Variants in PALM2AKAP2 observed in about 807,000 individuals in gnomAD.
PALM2AKAP2 encodes PALM2-AKAP2 fusion protein.
A neutral mutation model predicts 71.5 loss-of-function variants in PALM2AKAP2; 37 were observed. The ratio of observed to expected loss-of-function variants is 0.52; its 90% CI spans 0.40 to 0.68. The LOEUF is 0.68. PALM2AKAP2 is among the 30% of genes least tolerant of loss of function. The probability of loss-of-function intolerance (pLI) is 0.00; values close to 1 mark genes in which losing one functional copy is unlikely to be tolerated. For missense variants in PALM2AKAP2, 1,224 were observed against 1,191.8 expected (o/e 1.03, Z -0.40); for synonymous variants, 468 against 478.8 (o/e 0.98, Z 0.29).
intron 1 of PALM2AKAP2, among the ~76,000 whole-genome samples, chr9:109,642,190 C>G (rs1036607943): frequency 6.6e-6 from 1 of 151,934 alleles, no homozygotes; most frequent in Non-Finnish European, 1.5e-5. Flanking sequence ...GAGCTGGGCT[C>G]TAGAGTCAGA....
At chr9:110,020,984 T>G (rs1002663038) in intron 7 of PALM2AKAP2, among the ~76,000 whole-genome samples, 4 of 152,154 alleles carry the variant, frequency 2.6e-5, no homozygotes, top group Admixed American at 1.3e-4. Flanking sequence ...CACACGCCTG[T>G]AATCCCAGCT....
chr9:110,171,738 C>T (rs1836862027), exon 4 of PALM2AKAP2: 1 of 152,568 alleles, frequency 6.6e-6, no homozygotes. Context: ...CCCCAAATAG[C>T]ACACAAGCTT....
intron 1 of PALM2AKAP2, chr9:109,867,073 T>C (rs1829466840): frequency 2.2e-6 from 1 of 456,872 alleles, no homozygotes; most frequent in South Asian, 1.5e-5. Flanking sequence ...TCTTATTCTA[T>C]GGTATTTGCA....
At chr9:110,057,373 T>G (rs1319934859) in intron 1 of PALM2AKAP2, among the ~76,000 whole-genome samples, 2 of 140,672 alleles carry the variant, frequency 1.4e-5, no homozygotes, top group African/African-American at 2.7e-5. Flanking sequence ...TCTGTTTTTT[T>G]TTTTTTTGTT....
chr9:109,848,386 G>T (rs866007059), intron 1 of PALM2AKAP2, among the ~76,000 whole-genome samples: 2 of 152,162 alleles, frequency 1.3e-5, no homozygotes, highest in Non-Finnish European at 2.9e-5. Flanking sequence ...CCTGTGCTGC[G>T]TGTTTGTGGT....
chr9:109,887,467 A>G (rs1049429341), intron 3 of PALM2AKAP2, among the ~76,000 whole-genome samples: 1 of 152,172 alleles, frequency 6.6e-6, no homozygotes, highest in African/African-American at 2.4e-5. Context: ...CCAAAATAAA[A>G]CTATATATGC....
At chr9:109,881,004 G>A (rs1284044889) in intron 3 of PALM2AKAP2, among the ~76,000 whole-genome samples, 2 of 152,036 alleles carry the variant, frequency 1.3e-5, no homozygotes, top group African/African-American at 2.4e-5. Flanking sequence ...CCTAGTACCC[G>A]TTAGTTATTT....
chr9:110,123,202 G>T (rs1159706107), intron 1 of PALM2AKAP2, among the ~76,000 whole-genome samples: 1 of 152,148 alleles, frequency 6.6e-6, no homozygotes, highest in Non-Finnish European at 1.5e-5. Flanking sequence ...AGTTTGTTAG[G>T]GTTGCCATGA....
chr9:109,832,767 T>A (rs1210068784), intron 1 of PALM2AKAP2, among the ~76,000 whole-genome samples: 1 of 152,148 alleles, frequency 6.6e-6, no homozygotes, highest in Non-Finnish European at 1.5e-5. Flanking sequence ...AGTCACAGAT[T>A]ATCCGACACA....
chr9:109,697,033 A>C (rs774808741), intron 1 of PALM2AKAP2, among the ~76,000 whole-genome samples: 7 of 152,148 alleles, frequency 4.6e-5, no homozygotes, highest in East Asian at 1.9e-4. Context: ...TTTCTATATA[A>C]GATTCTCTTG....
At chr9:109,786,324 G>C (rs1032235248) in intron 1 of PALM2AKAP2, among the ~76,000 whole-genome samples, 3 of 152,234 alleles carry the variant, frequency 2.0e-5, no homozygotes, top group Non-Finnish European at 4.4e-5. Context: ...AGAGGGGTTA[G>C]AGACTCAAAC....
intron 6 of PALM2AKAP2, among the ~76,000 whole-genome samples, chr9:110,013,077 G>A (rs1257485279): frequency 6.6e-6 from 1 of 152,174 alleles, no homozygotes; most frequent in Non-Finnish European, 1.5e-5. Context: ...GGGCTTGGCT[G>A]ATCTAGACCT....
intron 6 of PALM2AKAP2, among the ~76,000 whole-genome samples, chr9:109,974,461 A>C (rs1197027424): frequency 1.3e-5 from 2 of 151,824 alleles, no homozygotes; most frequent in East Asian, 1.9e-4. Flanking sequence ...TGAAAAAAAA[A>C]ACCCAAAGAC....
At chr9:109,916,933 C>G (rs1830706701) in intron 3 of PALM2AKAP2, among the ~76,000 whole-genome samples, 1 of 152,212 alleles carries the variant, frequency 6.6e-6, no homozygotes, top group Non-Finnish European at 1.5e-5. Context: ...TGTCCACAGG[C>G]TAAGCCTCAG....
chr9:109,828,573 G>C (rs774554509), intron 1 of PALM2AKAP2, among the ~76,000 whole-genome samples: 2 of 152,192 alleles, frequency 1.3e-5, no homozygotes, highest in Non-Finnish European at 2.9e-5. Flanking sequence ...CTCATTTTAA[G>C]TGTGCTCTGT....
At chr9:110,090,763 C>T (rs895751724) in intron 1 of PALM2AKAP2, among the ~76,000 whole-genome samples, 1 of 152,086 alleles carries the variant, frequency 6.6e-6, no homozygotes, top group Non-Finnish European at 1.5e-5. Context: ...GTACCTTCAA[C>T]TTATATAGCA....
chr9:109,872,275 T>C (rs1003828411), intron 2 of PALM2AKAP2, among the ~76,000 whole-genome samples: 1 of 152,188 alleles, frequency 6.6e-6, no homozygotes, highest in African/African-American at 2.4e-5. Context: ...CTTGTGATGA[T>C]ATGGATTTTT....
exon 7 of PALM2AKAP2, chr9:110,016,021 C>T: frequency 2.5e-6 from 4 of 1,613,792 alleles, no homozygotes; most frequent in Non-Finnish European, 3.4e-6. Flanking sequence ...AAACATCCGG[C>T]CCAGACATGA....
intron 1 of PALM2AKAP2, among the ~76,000 whole-genome samples, chr9:109,805,231 G>A (rs1827539854): frequency 4.6e-5 from 7 of 152,162 alleles, no homozygotes; most frequent in Admixed American, 4.6e-4. Context: ...TCTTAGTGAT[G>A]GTGGCTGCAA....
Sources: allele counts gnomAD v4.1 joint callset (sites outside exome capture counted in the v4.1 genomes callset), GRCh38; gene constraint gnomAD v4.1.1; transcripts MANE v1.5; gene names NCBI Gene and HGNC (gene_info 2026-07-23, HGNC 2026-07-21).